ANK1: variants seen among roughly 807,000 people sequenced by gnomAD.
ANK1 encodes the protein ankyrin-1.
A neutral mutation model predicts 210.4 loss-of-function variants in ANK1; 51 were observed. That is an observed-to-expected ratio of 0.24 (90% confidence interval 0.19 to 0.31). The LOEUF is 0.31. ANK1 is among the 10% of genes least tolerant of loss of function. The probability of loss-of-function intolerance (pLI) is 1.00; values close to 1 mark genes in which losing one functional copy is unlikely to be tolerated. For missense variants in ANK1, 2,051 were observed against 2,504.4 expected, an observed-to-expected ratio of 0.82 and a Z score of 3.86; for synonymous variants, 967 against 1,025.9, an observed-to-expected ratio of 0.94 and a Z score of 1.10.
chr8:41,701,561 G>C lies in ANK1; in HGVS notation c.2450C>G (p.Ser817Trp). The C allele has an allele frequency of 6.2e-7, 1 of 1,614,032 alleles. No individual in the cohort carries two copies. The highest frequency in any genetic ancestry group is 8.5e-7 in the Non-Finnish European group (1 of 1,179,988). The change falls in exon 22 of 43, where the codon TCG becomes TGG. Residue 817 changes from serine (S) to tryptophan (W), a missense_variant. Physicochemically the swap from Ser to Trp is radical, Grantham distance 177. Coordinates refer to ENST00000289734, the MANE Select transcript of ANK1 (RefSeq NM_000037.4). ...TACCCCAACGTTACCTTCATCTTCC[G>C]AGACATCCAGGATCTCATCAACTGT... The part of the protein sequence containing the change: ...PETVDEILDV[S>W]EDEGEELISF...
chr8:41,732,538 G>A (rs977393175), intron 3 of ANK1, among the ~76,000 whole-genome samples: 8 of 151,846 alleles, frequency 5.3e-5, no homozygotes, highest in Admixed American at 2.0e-4. Context: ...TCAGCTTCCC[G>A]AGTAGCTGGG....
intron 1 of ANK1, among the ~76,000 whole-genome samples, chr8:41,805,742 G>A (rs575131969): frequency 6.6e-6 from 1 of 152,156 alleles, no homozygotes; most frequent in East Asian, 1.9e-4. Context: ...GTGCAAAGAG[G>A]GTCACTACTT....
In ANK1 at chr8:41,668,251, C is replaced by T; in HGVS notation, c.5394+16G>A. On this transcript the variant is annotated intron_variant, in intron 39 of 42. Transcript: ENST00000289734. ...TGGGAAGGAACAGCAGCACGCAGCT[C>T]CCCTCGGGCTCTCACCTGCACCACT... is the stretch of plus-strand genomic sequence containing the variant. 1.2e-6 allele frequency: 2 copies of T among 1,614,180 alleles called. No homozygotes were observed. The highest frequency in any genetic ancestry group is 1.7e-6 in the Non-Finnish European group (2 of 1,180,034).
At chr8:41,660,462 C>G (rs907156000) in intron 42 of ANK1, 1 of 460,276 alleles carries the variant, frequency 2.2e-6, no homozygotes, top group Admixed American at 2.6e-5. Context: ...TGAGCTGCCC[C>G]GAGCTGGGCA....
intron 1 of ANK1, among the ~76,000 whole-genome samples, chr8:41,778,911 C>T (rs1844697899): frequency 6.6e-6 from 1 of 152,170 alleles, no homozygotes; most frequent in Admixed American, 6.5e-5. Context: ...GCTGACATTC[C>T]TATGGGAGGG....
intron 1 of ANK1, among the ~76,000 whole-genome samples, chr8:41,870,285 A>T (rs1224322400): frequency 6.6e-6 from 1 of 152,056 alleles, no homozygotes; most frequent in Non-Finnish European, 1.5e-5. Context: ...AAAAAAAAAA[A>T]GAGGTTTCAA....
chr8:41,793,903 G>C (rs547845742), intron 1 of ANK1, among the ~76,000 whole-genome samples: 1 of 152,288 alleles, frequency 6.6e-6, no homozygotes, highest in South Asian at 2.1e-4. Flanking sequence ...GAGAGAGGGG[G>C]ATTATTAATA....
chr8:41,724,084 G>C (rs563083837), intron 7 of ANK1, among the ~76,000 whole-genome samples: 2 of 152,226 alleles, frequency 1.3e-5, no homozygotes, highest in East Asian at 3.9e-4. Context: ...CACCGCGCCC[G>C]GCCTAAGACA....
intron 1 of ANK1, among the ~76,000 whole-genome samples, chr8:41,885,019 G>T (rs972367339): frequency 6.6e-6 from 1 of 151,948 alleles, no homozygotes; most frequent in Admixed American, 6.6e-5. Flanking sequence ...GGAAAGCAAC[G>T]GAAGGGTTTT....
intron 36 of ANK1, among the ~76,000 whole-genome samples, chr8:41,685,038 C>A (rs1332539555): frequency 6.6e-6 from 1 of 152,198 alleles, no homozygotes; most frequent in Admixed American, 6.5e-5. Context: ...AAGCAATTCT[C>A]GTTCCTCAGC....
chr8:41,831,088 A>G (rs1806516323), intron 1 of ANK1, among the ~76,000 whole-genome samples: 1 of 152,210 alleles, frequency 6.6e-6, no homozygotes, highest in Non-Finnish European at 1.5e-5. Flanking sequence ...ACGAAAGCAC[A>G]GCGGCCTGGG....
chr8:41,708,680 C>T (rs567197985), intron 17 of ANK1, 98 bp downstream of exon 17: 2 of 1,332,684 alleles, frequency 1.5e-6, no homozygotes, highest in Admixed American at 1.7e-5. Flanking sequence ...ACACACACAC[C>T]CCTAACTCAG....
At chr8:41,845,818 A>G (rs182895537) in intron 1 of ANK1, among the ~76,000 whole-genome samples, 2 of 152,264 alleles carry the variant, frequency 1.3e-5, no homozygotes, top group Non-Finnish European at 2.9e-5. Flanking sequence ...TTCCATAAAC[A>G]TACCAAAACC....
At chr8:41,708,542 A>G (rs1002721781) in intron 17 of ANK1, among the ~76,000 whole-genome samples, 1 of 152,216 alleles carries the variant, frequency 6.6e-6, no homozygotes, top group Non-Finnish European at 1.5e-5. Context: ...GTTTAGAAAG[A>G]TCGGCAAAGG....
intron 2 of ANK1, among the ~76,000 whole-genome samples, chr8:41,750,763 C>T (rs553863176): frequency 6.6e-6 from 1 of 152,148 alleles, no homozygotes; most frequent in African/African-American, 2.4e-5. Context: ...AAAAATGAGA[C>T]AGGCAAAGAG....
At chr8:41,763,769 T>C (rs1183005059) in intron 1 of ANK1, among the ~76,000 whole-genome samples, 2 of 152,086 alleles carry the variant, frequency 1.3e-5, no homozygotes, top group African/African-American at 4.8e-5. Context: ...TTCTTGTCAC[T>C]GAGGATAAAA....
intron 1 of ANK1, among the ~76,000 whole-genome samples, chr8:41,813,778 A>T (rs1802852707): frequency 6.6e-6 from 1 of 152,200 alleles, no homozygotes; most frequent in African/African-American, 2.4e-5. Context: ...TCTTTTCAAG[A>T]TCCCTAAAAT....
intron 1 of ANK1, among the ~76,000 whole-genome samples, chr8:41,839,600 G>A (rs1416496007): frequency 6.6e-6 from 1 of 152,200 alleles, no homozygotes; most frequent in Non-Finnish European, 1.5e-5. Context: ...ACATTGCCCA[G>A]GAAAGTGTAT....
intron 1 of ANK1, among the ~76,000 whole-genome samples, chr8:41,818,842 G>C (rs1021789788): frequency 6.6e-6 from 1 of 152,160 alleles, no homozygotes; most frequent in African/African-American, 2.4e-5. Flanking sequence ...ACAGTCCACA[G>C]GCACAGATAA....
Sources: gnomAD v4.1 joint callset for allele counts (sites outside exome capture counted in the v4.1 genomes callset) on GRCh38, gnomAD v4.1.1 for gene constraint, MANE v1.5 for transcripts, NCBI Gene and HGNC (gene_info 2026-07-23, HGNC 2026-07-21) for gene names.